PKHD1: variants seen among roughly 807,000 people sequenced by gnomAD.
PKHD1 encodes the protein fibrocystin.
In PKHD1, 291 loss-of-function variants were observed where a neutral mutation model predicts 412.0. The ratio of observed to expected loss-of-function variants is 0.71; its 90% CI spans 0.64 to 0.78. PKHD1 has a LOEUF of 0.78. Among genes scored for constraint, PKHD1 ranks in the 30% least tolerant of loss-of-function variants. The pLI is 0.00. For missense variants in PKHD1, 4,825 were observed against 4,950.7 expected, an observed-to-expected ratio of 0.97 and a Z score of 0.76; for synonymous variants, 1,777 against 1,821.5, an observed-to-expected ratio of 0.98 and a Z score of 0.62.
chr6:52,063,706 TATC>T (rs1253778700), intron 13 of PKHD1, among the ~76,000 whole-genome samples: 2 of 152,162 alleles, frequency 1.3e-5, no homozygotes, highest in Non-Finnish European at 2.9e-5. Flanking sequence ...TAGATGTCAG[TATC>T]ATCACCACCA....
intron 51 of PKHD1, 33 bp downstream of exon 51, chr6:51,836,371 C>T: frequency 7.1e-7 from 1 of 1,411,488 alleles, no homozygotes; most frequent in Non-Finnish European, 1.0e-6. Flanking sequence ...TTCTGCCATA[C>T]TAGACACTTC....
chr6:51,729,024 T>C (rs978179674), intron 60 of PKHD1, among the ~76,000 whole-genome samples: 2 of 152,244 alleles, frequency 1.3e-5, no homozygotes, highest in African/African-American at 4.8e-5. Context: ...AAAGACAGTA[T>C]ATAGCCTACA....
chr6:52,028,963 G>A (rs925384996), intron 29 of PKHD1, among the ~76,000 whole-genome samples: 1 of 152,214 alleles, frequency 6.6e-6, no homozygotes, highest in African/African-American at 2.4e-5. Context: ...AACCAGCAAA[G>A]AGCACCACAT....
At chr6:51,627,155 T>A (rs1442206739) in intron 65 of PKHD1, 39 bp from the exon 66 acceptor site, 29 of 1,523,700 alleles carry the variant, frequency 1.9e-5, no homozygotes, top group African/African-American at 3.2e-5. Context: ...TTTTGTTCAG[T>A]TGTAAGTGGG....
At chr6:51,670,406 C>A (rs1324321949) in intron 60 of PKHD1, among the ~76,000 whole-genome samples, 3 of 151,578 alleles carry the variant, frequency 2.0e-5, no homozygotes, top group African/African-American at 7.3e-5. Flanking sequence ...CTTGGTAGAT[C>A]TTCCTCCATC....
At chr6:51,748,735 G>A (rs755662328) in intron 57 of PKHD1, 70 bp from the exon 58 acceptor site, 16 of 1,297,544 alleles carry the variant, frequency 1.2e-5, no homozygotes, top group Admixed American at 1.7e-5. Context: ...GCCCATTTTG[G>A]GGCATTAAGA....
At chr6:51,865,295 T>A (rs1336639071) in intron 48 of PKHD1, among the ~76,000 whole-genome samples, 1 of 152,086 alleles carries the variant, frequency 6.6e-6, no homozygotes, top group East Asian at 1.9e-4. Flanking sequence ...GAGTGGCAGT[T>A]TTTTCTTCAC....
chr6:51,944,023 G>A (rs1172764542), intron 36 of PKHD1, among the ~76,000 whole-genome samples: 1 of 152,040 alleles, frequency 6.6e-6, no homozygotes, highest in Non-Finnish European at 1.5e-5. Context: ...CATATCCCCT[G>A]TGACCTGCAC....
At chr6:51,812,283 T>A (rs527696444) in intron 52 of PKHD1, among the ~76,000 whole-genome samples, 1 of 152,286 alleles carries the variant, frequency 6.6e-6, no homozygotes, top group African/African-American at 2.4e-5. Context: ...CATTGACTTT[T>A]ATGCATGCTA....
At chr6:51,953,529 A>T (rs1790684582) in intron 36 of PKHD1, among the ~76,000 whole-genome samples, 1 of 151,900 alleles carries the variant, frequency 6.6e-6, no homozygotes, top group South Asian at 2.1e-4. Flanking sequence ...TGAAGCATGC[A>T]TCTACTGAAT....
At chr6:52,062,744 A>G (rs889274726) in intron 13 of PKHD1, 84 bp from the exon 14 acceptor site, 14 of 1,546,808 alleles carry the variant, frequency 9.1e-6, no homozygotes, top group African/African-American at 1.4e-5. Flanking sequence ...TACAAGGTGA[A>G]AGATGACCCA....
chr6:51,955,017 A>G (rs1790899905), intron 36 of PKHD1, among the ~76,000 whole-genome samples: 1 of 152,052 alleles, frequency 6.6e-6, no homozygotes, highest in Non-Finnish European at 1.5e-5. Flanking sequence ...CATCATAATT[A>G]CTTGGAATAA....
intron 52 of PKHD1, among the ~76,000 whole-genome samples, chr6:51,798,336 C>G (rs540697024): frequency 2.0e-4 from 30 of 152,146 alleles, no homozygotes; most frequent in Admixed American, 4.6e-4. Flanking sequence ...CGAGATCACA[C>G]CACTGTACTC....
At chr6:52,082,259 A>T in intron 4 of PKHD1, 133 bp downstream of exon 4, 2 of 891,716 alleles carry the variant, frequency 2.2e-6, no homozygotes, top group Non-Finnish European at 3.7e-6. Context: ...GCATATTCAC[A>T]TGAAACTTTT....
chr6:51,755,696 C>T (rs1046285758), intron 55 of PKHD1, among the ~76,000 whole-genome samples: 1 of 152,062 alleles, frequency 6.6e-6, no homozygotes, highest in Admixed American at 6.6e-5. Flanking sequence ...AATTTAATTG[C>T]CTGCTTCATT....
chr6:51,671,067 T>C (rs555982327), intron 60 of PKHD1, among the ~76,000 whole-genome samples: 70 of 152,272 alleles, frequency 4.6e-4, no homozygotes, highest in African/African-American at 1.7e-3. Flanking sequence ...TGGCATTCTC[T>C]GTAGTTCCTG....
At chr6:51,994,808 C>G (rs1797526865) in intron 35 of PKHD1, among the ~76,000 whole-genome samples, 1 of 152,106 alleles carries the variant, frequency 6.6e-6, no homozygotes, top group Non-Finnish European at 1.5e-5. Context: ...GTCTCAGACT[C>G]CTGGGCACAA....
chr6:52,016,027 C>T (rs1373889342), intron 34 of PKHD1, among the ~76,000 whole-genome samples: 1 of 152,016 alleles, frequency 6.6e-6, no homozygotes, highest in Admixed American at 6.5e-5. Context: ...AGATGAAGTC[C>T]CTGAATTCAA....
At chr6:51,963,633 A>G (rs1203457698) in intron 35 of PKHD1, among the ~76,000 whole-genome samples, 2 of 151,996 alleles carry the variant, frequency 1.3e-5, no homozygotes, top group African/African-American at 4.8e-5. Context: ...TGGTGCTATC[A>G]TTCCCTCCCA....
Sources: gnomAD v4.1 joint callset for allele counts (sites outside exome capture counted in the v4.1 genomes callset) on GRCh38, gnomAD v4.1.1 for gene constraint, MANE v1.5 for transcripts, NCBI Gene and HGNC (gene_info 2026-07-23, HGNC 2026-07-21) for gene names.